HDAC9: variants seen among roughly 807,000 people sequenced by gnomAD.
The protein encoded by HDAC9 is MEF-2 interacting transcription repressor (MITR) protein.
Under a neutral mutation model 139.4 loss-of-function variants are expected in HDAC9, and 41 were observed. The ratio of observed to expected loss-of-function variants is 0.29; its 90% CI spans 0.23 to 0.38. HDAC9 has a LOEUF of 0.38. Ranked by LOEUF, HDAC9 falls within the 10% of genes least tolerant of loss-of-function variation. The probability of loss-of-function intolerance (pLI) is 1.00; values close to 1 mark genes in which losing one functional copy is unlikely to be tolerated. For synonymous variants in HDAC9, 517 were observed against 476.2 expected (o/e 1.09, Z -1.12); for missense variants, 1,147 against 1,297.0 (o/e 0.88, Z 1.78).
At chr7:18,672,721 G>A (rs1168702069) in intron 12 of HDAC9, among the ~76,000 whole-genome samples, 1 of 151,892 alleles carries the variant, frequency 6.6e-6, no homozygotes, top group Non-Finnish European at 1.5e-5. Flanking sequence ...GATCCATTTT[G>A]TGTCATACAC....
At chr7:18,340,920 C>A (rs964291290) in intron 1 of HDAC9, among the ~76,000 whole-genome samples, 3 of 151,290 alleles carry the variant, frequency 2.0e-5, no homozygotes, top group Non-Finnish European at 3.0e-5. Context: ...GTGATGAATT[C>A]TTTCAGTTTT....
At chr7:18,134,395 A>T (rs1383510980) in intron 1 of HDAC9, among the ~76,000 whole-genome samples, 1 of 152,186 alleles carries the variant, frequency 6.6e-6, no homozygotes, top group Non-Finnish European at 1.5e-5. Flanking sequence ...TATAACTCTG[A>T]TAGATCAAGA....
intron 22 of HDAC9, among the ~76,000 whole-genome samples, chr7:18,924,985 G>A (rs937488230): frequency 2.0e-5 from 3 of 152,036 alleles, no homozygotes; most frequent in African/African-American, 7.2e-5. Flanking sequence ...AGATGCAAGG[G>A]TTAGTTTGAA....
At chr7:18,995,045 AT>A (rs1786349999) in intron 25 of HDAC9, among the ~76,000 whole-genome samples, 1 of 152,240 alleles carries the variant, frequency 6.6e-6, no homozygotes, top group Non-Finnish European at 1.5e-5. Flanking sequence ...AATCTAAAGT[AT>A]TAAGTAATGT....
chr7:18,674,954 C>T (rs997688399), intron 12 of HDAC9, among the ~76,000 whole-genome samples: 1 of 151,842 alleles, frequency 6.6e-6, no homozygotes, highest in Admixed American at 6.6e-5. Context: ...ACTATGACTT[C>T]TAATATCTAG....
intron 1 of HDAC9, among the ~76,000 whole-genome samples, chr7:18,479,840 A>G (rs1795403138): frequency 6.6e-6 from 1 of 152,018 alleles, no homozygotes; most frequent in Non-Finnish European, 1.5e-5. Flanking sequence ...GTAATGGTTT[A>G]TTATATTACA....
chr7:18,863,192 G>T (rs1490921642), intron 21 of HDAC9, among the ~76,000 whole-genome samples: 1 of 152,192 alleles, frequency 6.6e-6, no homozygotes, highest in Admixed American at 6.5e-5. Flanking sequence ...TGTGAAACGT[G>T]CAGAGGCTGA....
chr7:18,869,343 C>T (rs1798738287), intron 21 of HDAC9, among the ~76,000 whole-genome samples: 1 of 151,802 alleles, frequency 6.6e-6, no homozygotes, highest in African/African-American at 2.4e-5. Flanking sequence ...GCACCACTCA[C>T]CTAGTGCTGT....
chr7:18,971,372 C>G (rs1401542422), intron 24 of HDAC9, among the ~76,000 whole-genome samples: 1 of 152,156 alleles, frequency 6.6e-6, no homozygotes, highest in African/African-American at 2.4e-5. Flanking sequence ...AGGAGAGCAA[C>G]CCAGTTGTGG....
chr7:18,653,315 C>A lies in HDAC9; in HGVS notation c.1467+4632C>A, dbSNP rs1177979763. Among the ~76,000 whole-genome samples, 4 of 150,600 alleles carry A rather than the reference C, an allele frequency of 2.7e-5. No homozygotes were observed. In the East Asian group the frequency reaches 7.8e-4, roughly 29 times the overall value. ...GAGACATAAGAAAGAAAACTGATATCTTTAAGGAAATAAAATTTGAGTTAA... is the reference window on the plus strand; with the variant it reads ...GAGACATAAGAAAGAAAACTGATATATTTAAGGAAATAAAATTTGAGTTAA... On this transcript the variant is annotated intron_variant, in intron 11 of 25. Transcript: ENST00000686413.
intron 6 of HDAC9, among the ~76,000 whole-genome samples, chr7:18,618,364 C>G (rs974240439): frequency 6.6e-6 from 1 of 152,058 alleles, no homozygotes; most frequent in African/African-American, 2.4e-5. Context: ...AGGAGGGTAA[C>G]AAGATGAGGT....
chr7:18,957,186 C>T (rs1277575126), intron 24 of HDAC9, among the ~76,000 whole-genome samples: 2 of 152,070 alleles, frequency 1.3e-5, no homozygotes, highest in Non-Finnish European at 2.9e-5. Flanking sequence ...TGGAGTGAAA[C>T]TCGGTAGAGA....
At chr7:18,486,924 T>C (rs1796016632) in intron 1 of HDAC9, among the ~76,000 whole-genome samples, 1 of 152,122 alleles carries the variant, frequency 6.6e-6, no homozygotes, top group East Asian at 1.9e-4. Context: ...TCTACATTTC[T>C]GTAGATTCAT....
chr7:18,431,822 A>C (rs991687750), intron 1 of HDAC9, among the ~76,000 whole-genome samples: 9 of 152,206 alleles, frequency 5.9e-5, no homozygotes, highest in African/African-American at 2.2e-4. Context: ...TTTTTTGTCT[A>C]TTGTAAGAAA....
chr7:18,501,093 G>T (rs1333605107), intron 2 of HDAC9, among the ~76,000 whole-genome samples: 1 of 152,094 alleles, frequency 6.6e-6, no homozygotes, highest in African/African-American at 2.4e-5. Context: ...GAAAGAGGCT[G>T]CTTGACAGTG....
At chr7:18,893,678 T>C (rs1201531388) in intron 22 of HDAC9, among the ~76,000 whole-genome samples, 1 of 152,168 alleles carries the variant, frequency 6.6e-6, no homozygotes, top group African/African-American at 2.4e-5. Context: ...GTCTAGTGGT[T>C]AAAGCCTAAG....
At chr7:18,500,174 T>C (rs1287315566) in intron 2 of HDAC9, among the ~76,000 whole-genome samples, 1 of 152,184 alleles carries the variant, frequency 6.6e-6, no homozygotes, top group Non-Finnish European at 1.5e-5. Context: ...ATTATTGTTA[T>C]GTCCGTTAAG....
intron 1 of HDAC9, among the ~76,000 whole-genome samples, chr7:18,479,141 C>T (rs978045316): frequency 1.3e-5 from 2 of 151,868 alleles, no homozygotes; most frequent in African/African-American, 2.4e-5. Context: ...CAATCTTTTT[C>T]TTTATGATTT....
At chr7:18,362,229 A>G (rs896638192) in intron 1 of HDAC9, among the ~76,000 whole-genome samples, 1 of 152,186 alleles carries the variant, frequency 6.6e-6, no homozygotes, top group African/African-American at 2.4e-5. Flanking sequence ...TCCAAATTTC[A>G]CTAACAGAAT....
Sources: gnomAD v4.1 joint callset for allele counts (sites outside exome capture counted in the v4.1 genomes callset) on GRCh38, gnomAD v4.1.1 for gene constraint, MANE v1.5 for transcripts, NCBI Gene and HGNC (gene_info 2026-07-23, HGNC 2026-07-21) for gene names.